Variants in ARSD observed in about 807,000 individuals in gnomAD.
ARSD encodes arylsulfatase D.
Under a neutral mutation model 32.6 loss-of-function variants are expected in ARSD, and 21 were observed. The observed-to-expected ratio is 0.64, with a 90% CI of 0.46 to 0.93. ARSD has a LOEUF of 0.93. Among genes scored for constraint, ARSD ranks in the 40% least tolerant of loss-of-function variants. The probability of loss-of-function intolerance (pLI) is 0.00; values close to 1 mark genes in which losing one functional copy is unlikely to be tolerated. For missense variants in ARSD, 454 were observed against 520.9 expected (o/e 0.87, Z 1.25); for synonymous variants, 224 against 237.4 (o/e 0.94, Z 0.52).
At chrX:2,926,086 C>T (rs915019460) in intron 1 of ARSD, among the ~76,000 whole-genome samples, 5 of 112,216 alleles carry the variant, frequency 4.5e-5, no homozygotes, top group African/African-American at 1.6e-4. Context: ...CTTTCCAGAG[C>T]TTATATACCT....
rs1200658562 is a variant in ARSD at position 2,929,338 on chromosome X, G to C, written c.-63C>G. 6.1e-5 allele frequency: 53 copies of C among 875,377 alleles called. No homozygotes were observed. Among genetic ancestry groups the C allele is most frequent in the Non-Finnish European group, 7.1e-5 (50 of 699,390 alleles). The allele number at this position is 875,377 out of a possible 1,213,427, so 72.1% of individuals were successfully genotyped here. ...CGCACTCCGCGCCCGGGCGCCGCTA[G>C]TGCCAAGGCTTCCGCCCTCTCAGCT... On this transcript the variant is annotated 5_prime_UTR_variant, in exon 1 of 10. Transcript: ENST00000381154.
At chrX:2,913,604 C>A in intron 6 of ARSD, 1 of 1,007,048 alleles carries the variant, frequency 9.9e-7, no homozygotes, top group Non-Finnish European at 1.3e-6. Context: ...TCTGCAGCCT[C>A]GTTGGTCCTC....
chrX:2,923,309 A>T, intron 2 of ARSD: 1 of 222,125 alleles, frequency 4.5e-6, no homozygotes, highest in Non-Finnish European at 8.7e-6. Flanking sequence ...ACCTGTCTCT[A>T]CAAAAAATAC....
At chrX:2,908,231 T>TTATCTATCTATCTATCTATCTATC (rs201024911) in intron 9 of ARSD, among the ~76,000 whole-genome samples, 95 of 110,084 alleles carry the variant, frequency 8.6e-4, no homozygotes, top group African/African-American at 3.0e-3. Flanking sequence ...ATTCTACTTT[T>TTATCTATCTATCTATCTATCTATC]TATCTATCTA....
At position 2,921,914 on chromosome X, in the gene ARSD, G is replaced by C. The variant is rs2089031952; in HGVS notation, c.305C>G (p.Ser102Cys). Reference protein sequence around the residue: ...SRAAFLTGRHSFRSGMDASNG... With the variant: ...SRAAFLTGRHCFRSGMDASNG... ...TCCGTGACACCAACCTGATCTGAAGGAATGTCTCCCTGTGAGGAATGCAGC... is the reference window on the plus strand; with the variant it reads ...TCCGTGACACCAACCTGATCTGAAGCAATGTCTCCCTGTGAGGAATGCAGC... Residue 102 changes from serine (S) to cysteine (C), a missense_variant, in exon 3 of 10, where the codon TCC becomes TGC. Ser to Cys is a moderately radical substitution (Grantham distance 112, BLOSUM62 -1). Coordinates refer to ENST00000381154, the MANE Select transcript of ARSD (RefSeq NM_001669.4). 3.3e-6 allele frequency: 4 copies of C among 1,211,001 alleles called. No individual in the cohort carries two copies. The highest frequency in any genetic ancestry group is 4.5e-6 in the Non-Finnish European group (4 of 895,052).
intron 5 of ARSD, among the ~76,000 whole-genome samples, 157 bp downstream of exon 5, chrX:2,917,647 T>C: frequency 9.1e-6 from 1 of 110,142 alleles, no homozygotes; most frequent in Non-Finnish European, 1.9e-5. Flanking sequence ...CTAATGATTT[T>C]ATTTATTGTA....
intron 9 of ARSD, among the ~76,000 whole-genome samples, chrX:2,908,237 A>G (rs1191089770): frequency 1.8e-5 from 2 of 110,738 alleles, no homozygotes; most frequent in Non-Finnish European, 3.8e-5. Flanking sequence ...CTTTTTATCT[A>G]TCTATCTATC....
At position 2,929,247 on chromosome X, in the gene ARSD, G is replaced by T; in HGVS notation, c.29C>A (p.Ala10Asp). The T allele has an allele frequency of 9.7e-7, 1 of 1,035,388 alleles. No individual in the cohort carries two copies. The allele number at this position is 1,035,388 out of a possible 1,213,427, so 85.3% of individuals were successfully genotyped here. The part of the protein sequence containing the change: MRSAARRGR[A>D]APAARDSLPV... ...TCCCAGGCACCTGGCGGCGGGCGCG[G>T]CGCGTCCCCTCCGCGCGGCGGATCG... Residue 10 changes from alanine (A) to aspartate (D), a missense_variant, in exon 1 of 10, where the codon GCC becomes GAC. By Grantham distance (126) the Ala-to-Asp change is moderately radical (BLOSUM62 -2). This residue lies in a region of ARSD where 271 missense variants were observed against 301.0 expected (regional missense o/e 0.90). Coordinates refer to ENST00000381154, the MANE Select transcript of ARSD (RefSeq NM_001669.4).
chrX:2,912,922 C>T (rs185478082), intron 6 of ARSD, among the ~76,000 whole-genome samples: 1 of 112,434 alleles, frequency 8.9e-6, no homozygotes, highest in African/African-American at 3.2e-5. Flanking sequence ...TCATCTGTAG[C>T]TCTGAAAATG....
At position 2,925,692 on chromosome X, in the gene ARSD, T is replaced by G. The variant is rs1375093651; in HGVS notation, c.118A>C (p.Lys40Gln). ...GCCATGATCAGTAGGATATTTGGTT[T>G]AAAGGCATTTGCAGTTTTAGGTTCA... ...TCEPKTANAF[K>Q]PNILLIMADD... Residue 40 changes from lysine to glutamine, a missense_variant, in exon 2 of 10, where the codon AAA becomes CAA. Transcript: ENST00000381154. 1 of 1,208,487 alleles carries G rather than the reference T, an allele frequency of 8.3e-7. No homozygotes were observed. The highest frequency in any genetic ancestry group is 1.1e-6 in the Non-Finnish European group (1 of 894,317).
intron 6 of ARSD, chrX:2,913,795 C>T (rs1321924726): frequency 5.8e-6 from 5 of 856,868 alleles, no homozygotes; most frequent in Non-Finnish European, 7.4e-6. Flanking sequence ...TCCTCAGAAT[C>T]GGCGGTGGGG....
intron 4 of ARSD, 135 bp from the exon 5 acceptor site, chrX:2,918,362 G>A: frequency 1.7e-6 from 1 of 579,923 alleles, no homozygotes; most frequent in Non-Finnish European, 2.7e-6. Flanking sequence ...GAAAGGCAAT[G>A]AATGGATTGG....
chrX:2,927,774 C>G, intron 1 of ARSD, among the ~76,000 whole-genome samples: 1 of 109,878 alleles, frequency 9.1e-6, no homozygotes, highest in East Asian at 2.8e-4. Flanking sequence ...TGCAACCAAT[C>G]AGATGTTTGC....
rs757618990 is a variant in ARSD, at chrX:2,917,905, C to A, written c.762G>T (p.Trp254Cys). 8.3e-7 allele frequency: 1 copy of A among 1,212,039 alleles called. No homozygotes were observed. Among genetic ancestry groups the A allele is most frequent in the South Asian group, 1.8e-5 (1 of 56,933 alleles). The change falls in exon 5 of 10, where the codon TGG (tryptophan) becomes TGT (cysteine). Residue 254 changes from tryptophan to cysteine, a missense_variant. Transcript: ENST00000381154. ...WYSSFGFVRRWNCILMRNHDV... is the reference protein window; with the variant it reads ...WYSSFGFVRRCNCILMRNHDV... ...CATGGTTTCTCATCAGGATACAGTT[C>A]CAGCGTCGCACAAACCCGAAGGAGG...
chrX:2,929,176 T>G lies in ARSD; in HGVS notation c.44+56A>C, dbSNP rs1026775448. On this transcript the variant is annotated intron_variant, in intron 1 of 9. Coordinates refer to ENST00000381154, the MANE Select transcript of ARSD (RefSeq NM_001669.4). ...GCCCCTCGCCGTGCTCGCGACCCCCTCCCCAGGCCCCCACCCTAGGCCTTA... is the reference window on the plus strand; with the variant it reads ...GCCCCTCGCCGTGCTCGCGACCCCCGCCCCAGGCCCCCACCCTAGGCCTTA... 1.8e-5 allele frequency: 18 copies of G among 978,913 alleles called. No homozygotes were observed. The African/African-American group carries it at 3.7e-4, about 20-fold the overall frequency. 80.7% of individuals were successfully genotyped at this position (978,913 alleles called of 1,213,427 possible). A position where few individuals can be genotyped will look rare whatever the true frequency, so the allele number is the denominator to read the frequency against.
At chrX:2,914,037 T>A in intron 6 of ARSD, 1 of 589,743 alleles carries the variant, frequency 1.7e-6, no homozygotes, top group Non-Finnish European at 2.1e-6. Flanking sequence ...GATGCTGCCA[T>A]GCTTCCTGTG....
chrX:2,925,088 G>A (rs2089069035), intron 2 of ARSD, among the ~76,000 whole-genome samples: 1 of 112,695 alleles, frequency 8.9e-6, no homozygotes, highest in Admixed American at 9.4e-5. Flanking sequence ...ATTTGGAGGA[G>A]GCCAGAATTT....
chrX:2,918,470 G>A (rs2088995082), intron 4 of ARSD, among the ~76,000 whole-genome samples: 1 of 112,636 alleles, frequency 8.9e-6, no homozygotes, highest in African/African-American at 3.2e-5. Flanking sequence ...AAGACTTTCG[G>A]CCGGGCGCGG....
chrX:2,915,639 G>C lies in ARSD; in HGVS notation c.917C>G (p.Pro306Arg). Reference protein sequence around the residue: ...LFLSLLHVHIPLVTTSAFLGK... With the variant: ...LFLSLLHVHIRLVTTSAFLGK... ...CAGGAATGCACTCGTGGTCACAAGG[G>C]GAATGTGCACATGCAGCAAAGAAAG... The change falls in exon 6 of 10, where the codon CCC becomes CGC. Residue 306 changes from proline to arginine, a missense_variant. Physicochemically the swap from Pro to Arg is moderately radical, Grantham distance 103. Transcript: ENST00000381154. 7 of 1,211,291 alleles carry C rather than the reference G, an allele frequency of 5.8e-6. No individual in the cohort carries two copies. Among genetic ancestry groups the C allele is most frequent in the Non-Finnish European group, 7.8e-6 (7 of 895,074 alleles).
Sources: gnomAD v4.1 joint callset for allele counts (sites outside exome capture counted in the v4.1 genomes callset) on GRCh38, gnomAD v4.1.1 for gene constraint, gnomAD v4.1.1 regional missense constraint, MANE v1.5 for transcripts, NCBI Gene and HGNC (gene_info 2026-07-23, HGNC 2026-07-21) for gene names.